The following SHOX2 variants were observed in gnomAD, a reference collection of about 807,000 sequenced individuals.
The protein encoded by SHOX2 is SHOX homeobox 2.
Under a neutral mutation model 31.3 loss-of-function variants are expected in SHOX2, and 13 were observed. That is an observed-to-expected ratio of 0.42 (90% CI 0.27 to 0.66). SHOX2 has a LOEUF of 0.66. Among genes scored for constraint, SHOX2 ranks in the 30% least tolerant of loss-of-function variants. The pLI is 0.27. For missense variants in SHOX2, 473 were observed against 443.0 expected (o/e 1.07, Z -0.61); for synonymous variants, 244 against 196.2 (o/e 1.24, Z -2.04).
In SHOX2 at chr3:158,098,213, C is replaced by A. The variant is rs762293722; in HGVS notation, c.774G>T (p.Ala258=). ...AHHHLHPHLA[A]HAPYMMFPAP... ...CTGGGAACATCATGTAGGGCGCGTG[C>A]GCGGCCAGGTGCGGATGCAGGTGGT... Residue 258 remains alanine, a synonymous_variant, in exon 5 of 5, where the codon GCG becomes GCT. Transcript: ENST00000483851. The A allele has an allele frequency of 1.2e-6, 2 of 1,613,870 alleles. No homozygotes were observed. Among genetic ancestry groups the A allele is most frequent in the Non-Finnish European group, 1.7e-6 (2 of 1,179,898 alleles).
At chr3:158,104,307 A>T (rs980199632) in intron 1 of SHOX2, among the ~76,000 whole-genome samples, 2 of 152,204 alleles carry the variant, frequency 1.3e-5, no homozygotes, top group Non-Finnish European at 2.9e-5. Context: ...GGGCACCTTG[A>T]CGGTAACTCC....
In SHOX2 at chr3:158,096,751, C is replaced by A. The variant is rs1713108382; in HGVS notation, c.*1276G>T. On this transcript the variant is annotated 3_prime_UTR_variant, in exon 5 of 5. Transcript: ENST00000483851. ...CTGGCACAGCGAGGCGCTGTACCTT[C>A]ATTATTTCATTTGGTGGTCTTGTTT... The A allele has an allele frequency of 6.6e-6, 1 of 152,030 alleles. No individual in the cohort carries two copies. Among genetic ancestry groups the A allele is most frequent in the Admixed American group, 6.6e-5 (1 of 15,262 alleles). 9.4% of individuals were successfully genotyped at this position (152,030 alleles called of 1,614,324 possible).
intron 2 of SHOX2, among the ~76,000 whole-genome samples, chr3:158,100,606 T>C (rs1713438164): frequency 6.6e-6 from 1 of 152,222 alleles, no homozygotes. Flanking sequence ...TGGTACCTGA[T>C]ACCAACATGA....
chr3:158,096,889 A>AATATATAT lies in SHOX2; in HGVS notation c.*1130_*1137dup, dbSNP rs769658802. On this transcript the variant is annotated 3_prime_UTR_variant, in exon 5 of 5. Coordinates refer to ENST00000483851, the MANE Select transcript of SHOX2 (RefSeq NM_001163678.2). ...GTTCCCCAGGATCAAAGACAGGGCA[A>AATATATAT]ATATATATATATATATATATATATA... The AATATATAT allele has an allele frequency of 0.043, 992 of 22,824 alleles. 59 individuals carry two copies. Among genetic ancestry groups the AATATATAT allele is most frequent in the Non-Finnish European group, 0.053 (638 of 12,124 alleles). 1.4% of individuals were successfully genotyped at this position (22,824 alleles called of 1,614,324 possible).
chr3:158,102,449 G>T (rs942143338), intron 2 of SHOX2, among the ~76,000 whole-genome samples: 1 of 149,480 alleles, frequency 6.7e-6, no homozygotes, highest in African/African-American at 2.5e-5. Flanking sequence ...GCCCAGCACA[G>T]CTTTCTTCTT....
chr3:158,100,166 G>A, intron 3 of SHOX2, 88 bp downstream of exon 3: 1 of 1,153,762 alleles, frequency 8.7e-7, no homozygotes, highest in Non-Finnish European at 1.2e-6. Flanking sequence ...CATTTTTGAG[G>A]TTCCTTTTTT....
rs374383282 is a variant in SHOX2 at position 158,102,929 on chromosome 3, A to AAC, written c.347-45_347-44dup. ...GCGGGGCCACACGTGCATCCACACGAACACACACACACACGCACACACACA... is the reference window on the plus strand; with the variant it reads ...GCGGGGCCACACGTGCATCCACACGAACACACACACACACACGCACACACACA... On this transcript the variant is annotated intron_variant, in intron 1 of 4. Coordinates refer to ENST00000483851, the MANE Select transcript of SHOX2 (RefSeq NM_001163678.2). 1,490 of 1,476,916 alleles carry AAC rather than the reference A, an allele frequency of 1.0e-3. 7 individuals carry two copies. In the African/African-American group the frequency reaches 0.018, roughly 18 times the overall value. 91.5% of individuals were successfully genotyped at this position (1,476,916 alleles called of 1,614,324 possible). A position where few individuals can be genotyped will look rare whatever the true frequency, so the allele number is the denominator to read the frequency against.
chr3:158,105,948 C>T lies in SHOX2; in HGVS notation c.77G>A (p.Arg26Gln), dbSNP rs1172815767. Residue 26 changes from arginine (R) to glutamine (Q), a missense_variant, in exon 1 of 5, where the codon CGG becomes CAG. Arg to Gln is a conservative substitution (Grantham distance 43). This residue lies in a region of SHOX2 where 276 missense variants were observed against 230.0 expected (regional missense o/e 1.20). Coordinates refer to ENST00000483851, the MANE Select transcript of SHOX2 (RefSeq NM_001163678.2). The part of the protein sequence containing the change: ...VKEKKEAITY[R>Q]EVLESGPLRG... ...CAGCGGCCCGCTCTCCAGCACCTCC[C>T]GGTACGTGATCGCCTCCTTCTTCTC... 6.2e-7 allele frequency: 1 copy of T among 1,612,410 alleles called. No individual in the cohort carries two copies. Among genetic ancestry groups the T allele is most frequent in the Non-Finnish European group, 8.5e-7 (1 of 1,179,614 alleles).
rs746962777 is a variant in SHOX2 at position 158,099,905 on chromosome 3, G to A, written c.657C>T (p.Val219=). The stretch of plus-strand genomic sequence containing the variant: ...AAGCACCTACGTTGACATAAGGTGC[G>A]ACTCTACAAGCTTCAAACTGGCTGG... ...GAASQFEACR[V]APYVNVGALR... The change falls in exon 4 of 5, where the codon GTC becomes GTT. Residue 219 remains valine (V), a synonymous_variant. Coordinates refer to ENST00000483851, the MANE Select transcript of SHOX2 (RefSeq NM_001163678.2). The A allele has an allele frequency of 1.8e-5, 29 of 1,614,038 alleles. No individual in the cohort carries two copies. In the South Asian group the frequency reaches 2.2e-4, roughly 12 times the overall value.
Position 158,105,981 on chromosome 3 carries a change from T to G in SHOX2, c.44A>C (p.Lys15Thr), listed in dbSNP as rs1713901718. The change falls in exon 1 of 5, where the codon AAA becomes ACA. Residue 15 changes from lysine to threonine, a missense_variant. By Grantham distance (78) the Lys-to-Thr change is moderately conservative (BLOSUM62 -1). This residue lies in a region of SHOX2 where 276 missense variants were observed against 230.0 expected (regional missense o/e 1.20). Transcript: ENST00000483851. ...TAFVSKSFDQKVKEKKEAITY... is the reference protein window; with the variant it reads ...TAFVSKSFDQTVKEKKEAITY... ...GATCGCCTCCTTCTTCTCCTTCACT[T>G]TCTGGTCAAAAGACTTGGAGACGAA... 6.2e-7 allele frequency: 1 copy of G among 1,612,936 alleles called. No individual in the cohort carries two copies. Among genetic ancestry groups the G allele is most frequent in the Middle Eastern group, 1.6e-4 (1 of 6,082 alleles).
rs1713377653 is a variant in SHOX2 at position 158,099,809 on chromosome 3, C to A, written c.702+51G>T. The A allele has an allele frequency of 2.3e-6, 3 of 1,328,184 alleles. No individual in the cohort carries two copies. The African/African-American group carries it at 4.3e-5, about 19-fold the overall frequency. The allele number at this position is 1,328,184 out of a possible 1,614,324, so 82.3% of individuals were successfully genotyped here. A position where few individuals can be genotyped will look rare whatever the true frequency, so the allele number is the denominator to read the frequency against. ...GGTGATGTTCAACAGTTCAAGCAAA[C>A]ATTCAGGTATTTTCATATTTAAAAA... On this transcript the variant is annotated intron_variant, in intron 4 of 4. Coordinates refer to ENST00000483851, the MANE Select transcript of SHOX2 (RefSeq NM_001163678.2).
At chr3:158,101,818 C>T (rs937786579) in intron 2 of SHOX2, among the ~76,000 whole-genome samples, 9 of 152,160 alleles carry the variant, frequency 5.9e-5, no homozygotes, top group African/African-American at 2.2e-4. Flanking sequence ...CAATCTGAAA[C>T]ATTTAAATTT....
chr3:158,099,711 G>A, intron 4 of SHOX2, 149 bp downstream of exon 4: 3 of 650,108 alleles, frequency 4.6e-6, no homozygotes, highest in East Asian at 5.5e-5. Flanking sequence ...GTTTTTAAAG[G>A]GTAGTGGGTC....
chr3:158,104,803 T>C (rs1382503249), intron 1 of SHOX2, among the ~76,000 whole-genome samples: 1 of 152,232 alleles, frequency 6.6e-6, no homozygotes, highest in African/African-American at 2.4e-5. Flanking sequence ...GCCACATATT[T>C]TCTTAATTGG....
chr3:158,103,098 A>AGC, intron 1 of SHOX2: 1 of 605,772 alleles, frequency 1.7e-6, no homozygotes, highest in South Asian at 1.9e-5. Flanking sequence ...GTCAAGTCTG[A>AGC]GCGGCCGCCT....
intron 1 of SHOX2, chr3:158,105,394 G>A (rs1449467486): frequency 3.4e-6 from 2 of 592,540 alleles, no homozygotes; most frequent in Non-Finnish European, 6.0e-6. Flanking sequence ...TCCTCCCGCT[G>A]GTGAAAAATG....
chr3:158,105,025 C>CCAGG, intron 1 of SHOX2: 2 of 317,858 alleles, frequency 6.3e-6, no homozygotes, highest in East Asian at 7.4e-5. Flanking sequence ...TCCCCACCTC[C>CCAGG]CCCGCCGCCC....
chr3:158,098,066 T>C lies in SHOX2; in HGVS notation c.921A>G (p.Arg307=), dbSNP rs1713236351. 1 of 1,610,760 alleles carries C rather than the reference T, an allele frequency of 6.2e-7. No homozygotes were observed. Among genetic ancestry groups the C allele is most frequent in the Non-Finnish European group, 8.5e-7 (1 of 1,177,918 alleles). ...TSKNSSIADL[R]LKAKKHAAAL... ...CTGCGGCGTGCTTTTTGGCTTTCAG[T>C]CTGAGATCGGCGATGCTGGAGTTCT... Residue 307 remains arginine, a synonymous_variant, in exon 5 of 5, where the codon AGA becomes AGG. Coordinates refer to ENST00000483851, the MANE Select transcript of SHOX2 (RefSeq NM_001163678.2).
In SHOX2 at chr3:158,098,000, G is replaced by A. The variant is rs372242206; in HGVS notation, c.*27C>T. The A allele has an allele frequency of 3.8e-6, 6 of 1,565,542 alleles. No individual in the cohort carries two copies. The South Asian group carries it at 7.2e-5, about 19-fold the overall frequency. On this transcript the variant is annotated 3_prime_UTR_variant, in exon 5 of 5. Coordinates refer to ENST00000483851, the MANE Select transcript of SHOX2 (RefSeq NM_001163678.2). ...CGTGCAGGCTGAGTGCCGCGGGACAGGCGCGACATTGGTGCTGGCGTTGGC... is the reference window on the plus strand; with the variant it reads ...CGTGCAGGCTGAGTGCCGCGGGACAAGCGCGACATTGGTGCTGGCGTTGGC...
Sources: allele counts gnomAD v4.1 joint callset (sites outside exome capture counted in the v4.1 genomes callset), GRCh38; gene constraint gnomAD v4.1.1; regional missense constraint gnomAD v4.1.1; transcripts MANE v1.5; gene names NCBI Gene and HGNC (gene_info 2026-07-23, HGNC 2026-07-21).